Variants in ALG14 observed in about 807,000 individuals in gnomAD.
The protein encoded by ALG14 is ALG14 UDP-N-acetylglucosaminyltransferase subunit.
Under a neutral mutation model 22.8 loss-of-function variants are expected in ALG14, and 17 were observed. The observed-to-expected ratio is 0.75, with a 90% CI of 0.51 to 1.12. The LOEUF (loss-of-function observed/expected upper bound fraction) is 1.12, where lower values mean the gene tolerates loss of function less well. Among genes scored for constraint, ALG14 ranks in the 50% most tolerant of loss-of-function variants. The probability of loss-of-function intolerance (pLI) is 0.00; values close to 1 mark genes in which losing one functional copy is unlikely to be tolerated. For missense variants in ALG14, 288 were observed against 271.8 expected, an observed-to-expected ratio of 1.06 and a Z score of -0.42; for synonymous variants, 89 against 103.7, an observed-to-expected ratio of 0.86 and a Z score of 0.86.
chr1:95,058,371 TG>T (rs1026348967), intron 2 of ALG14, among the ~76,000 whole-genome samples: 1 of 150,230 alleles, frequency 6.7e-6, no homozygotes, highest in Non-Finnish European at 1.5e-5. Flanking sequence ...CCCAGCATTT[TG>T]GGAGGCTGAG....
intron 3 of ALG14, 155 bp from the exon 4 acceptor site, chr1:94,983,461 T>G: frequency 1.5e-6 from 1 of 661,988 alleles, no homozygotes; most frequent in Non-Finnish European, 2.5e-6. Context: ...CAGCGCATGT[T>G]TAAGCCCATG....
intron 3 of ALG14, among the ~76,000 whole-genome samples, chr1:95,008,750 T>C (rs545208399): frequency 6.6e-6 from 1 of 152,168 alleles, no homozygotes; most frequent in Non-Finnish European, 1.5e-5. Flanking sequence ...AAGGTTGTAA[T>C]TGTGCTATCC....
At chr1:95,062,184 G>C (rs567675665) in intron 2 of ALG14, 1 of 152,144 alleles carries the variant, frequency 6.6e-6, no homozygotes, top group Non-Finnish European at 1.5e-5. Context: ...AGGATGCTTC[G>C]TGTATGTAAG....
intron 2 of ALG14, among the ~76,000 whole-genome samples, chr1:95,036,168 C>T (rs1319520249): frequency 6.6e-6 from 1 of 152,092 alleles, no homozygotes; most frequent in Non-Finnish European, 1.5e-5. Flanking sequence ...TGTCCCCACC[C>T]AAGTCTCATC....
chr1:94,989,505 C>G (rs1353694826), intron 3 of ALG14, among the ~76,000 whole-genome samples: 1 of 152,192 alleles, frequency 6.6e-6, no homozygotes, highest in Admixed American at 6.5e-5. Context: ...ACTTGCCCAG[C>G]TATTTCTGCC....
At chr1:95,040,882 T>C (rs1388269410) in intron 2 of ALG14, among the ~76,000 whole-genome samples, 1 of 152,200 alleles carries the variant, frequency 6.6e-6, no homozygotes, top group African/African-American at 2.4e-5. Flanking sequence ...TACCACAAGG[T>C]TGAAATAACG....
chr1:95,000,325 C>T (rs2100733621), intron 3 of ALG14, among the ~76,000 whole-genome samples: 1 of 151,832 alleles, frequency 6.6e-6, no homozygotes, highest in South Asian at 2.1e-4. Flanking sequence ...CACTTGAGCC[C>T]AGGAGTTCAA....
intron 3 of ALG14, among the ~76,000 whole-genome samples, chr1:95,001,150 AG>A (rs1331086694): frequency 5.3e-5 from 8 of 152,198 alleles, no homozygotes; most frequent in Admixed American, 6.5e-5. Context: ...TCCAAGCCCC[AG>A]GTGGGAAGAG....
At chr1:94,989,091 C>G (rs983744787) in intron 3 of ALG14, among the ~76,000 whole-genome samples, 21 of 152,126 alleles carry the variant, frequency 1.4e-4, no homozygotes, top group African/African-American at 4.8e-4. Flanking sequence ...GATCTCATAA[C>G]TCATTAACCA....
At chr1:95,031,658 C>A (rs1002421034) in intron 2 of ALG14, among the ~76,000 whole-genome samples, 1 of 152,108 alleles carries the variant, frequency 6.6e-6, no homozygotes, top group African/African-American at 2.4e-5. Flanking sequence ...CCATCCTCCC[C>A]TCTCCCCATC....
intron 3 of ALG14, among the ~76,000 whole-genome samples, chr1:94,999,062 G>A (rs1672983493): frequency 6.6e-6 from 1 of 152,000 alleles, no homozygotes; most frequent in African/African-American, 2.4e-5. Context: ...TATAATACCT[G>A]TACAAATATG....
intron 3 of ALG14, among the ~76,000 whole-genome samples, chr1:95,026,113 T>C (rs1673807723): frequency 6.6e-6 from 1 of 152,188 alleles, no homozygotes; most frequent in African/African-American, 2.4e-5. Flanking sequence ...TTTGTATTTT[T>C]AGTAGAGACA....
At chr1:95,041,197 A>AT (rs1019622090) in intron 2 of ALG14, among the ~76,000 whole-genome samples, 23 of 151,766 alleles carry the variant, frequency 1.5e-4, no homozygotes, top group South Asian at 8.4e-4. Context: ...CAAATTAGAG[A>AT]TTTTTTTTTA....
intron 3 of ALG14, among the ~76,000 whole-genome samples, chr1:94,995,373 C>G (rs1278889957): frequency 6.6e-6 from 1 of 152,116 alleles, no homozygotes; most frequent in East Asian, 1.9e-4. Flanking sequence ...TAGAATATGA[C>G]AAGTTGAGAT....
At chr1:94,990,182 C>T (rs931720846) in intron 3 of ALG14, among the ~76,000 whole-genome samples, 26 of 152,128 alleles carry the variant, frequency 1.7e-4, no homozygotes, top group Admixed American at 1.2e-3. Context: ...CAGTTAGAGT[C>T]AGGTGGTATA....
chr1:94,975,236 A>G lies in ALG14; in HGVS notation c.*7840T>C, dbSNP rs1281719624. The G allele has an allele frequency of 6.6e-6, 1 of 152,278 alleles. No homozygotes were observed. The highest frequency in any genetic ancestry group is 6.5e-5 in the Admixed American group (1 of 15,290). The allele number at this position is 152,278 out of a possible 1,614,324, so 9.4% of individuals were successfully genotyped here. A position where few individuals can be genotyped will look rare whatever the true frequency, so the allele number is the denominator to read the frequency against. ...CCTACTCTGGACATTTCATATGAAT[A>G]GAATCATGCATTTGTTGTCTTTTGT... On this transcript the variant is annotated 3_prime_UTR_variant, in exon 4 of 4. Transcript: ENST00000370205.
chr1:95,013,349 T>A (rs984267792), intron 3 of ALG14, among the ~76,000 whole-genome samples: 3 of 151,916 alleles, frequency 2.0e-5, no homozygotes, highest in Non-Finnish European at 2.9e-5. Flanking sequence ...TTATTTTTTT[T>A]TTTTGAGACA....
chr1:94,995,010 C>T (rs1161079427), intron 3 of ALG14, among the ~76,000 whole-genome samples: 2 of 152,156 alleles, frequency 1.3e-5, no homozygotes, highest in Non-Finnish European at 2.9e-5. Context: ...TATATAACTC[C>T]TGACTTCAAT....
chr1:95,049,729 A>C lies in ALG14; in HGVS notation c.288+15137T>G, dbSNP rs538992592. 5.9e-5 allele frequency among the ~76,000 whole-genome samples: 9 copies of C among 151,876 alleles called. 2 individuals carry two copies. Among genetic ancestry groups the C allele is most frequent in the African/African-American group, 2.2e-4 (9 of 41,422 alleles). ...ACTACAAAATATCAAAAATTAGCCC[A>C]GTGTGGTGGTGCACGTCTATAGTCC... is the stretch of plus-strand genomic sequence containing the variant. On this transcript the variant is annotated intron_variant, in intron 2 of 3. Transcript: ENST00000370205.
Sources: gnomAD v4.1 joint callset for allele counts (sites outside exome capture counted in the v4.1 genomes callset) on GRCh38, gnomAD v4.1.1 for gene constraint, MANE v1.5 for transcripts, NCBI Gene and HGNC (gene_info 2026-07-23, HGNC 2026-07-21) for gene names.